PTPRD: variants seen among roughly 807,000 people sequenced by gnomAD.
The protein encoded by PTPRD is receptor-type tyrosine-protein phosphatase delta.
PTPRD carries 34 observed loss-of-function variants against 214.5 expected under a neutral mutation model. The ratio of observed to expected loss-of-function variants is 0.16; its 90% confidence interval spans 0.12 to 0.21. The LOEUF is 0.21. Among genes scored for constraint, PTPRD ranks in the 10% least tolerant of loss-of-function variants. The pLI, the probability that PTPRD is intolerant of heterozygous loss-of-function variation, is 1.00. For synonymous variants in PTPRD, 1,128 were observed against 845.7 expected (o/e 1.33, Z -5.79); for missense variants, 2,545 against 2,398.7 (o/e 1.06, Z -1.27).
chr9:9,774,715 G>A (rs567090002), intron 5 of PTPRD, among the ~76,000 whole-genome samples: 66 of 152,192 alleles, frequency 4.3e-4, no homozygotes, highest in African/African-American at 1.5e-3. Flanking sequence ...AGCCTTGAGG[G>A]AGTTATTTTT....
intron 4 of PTPRD, among the ~76,000 whole-genome samples, chr9:9,942,299 T>G (rs10115688): frequency 1 from 151,770 of 152,208 alleles, 75,673 homozygotes; most frequent in Middle Eastern, 1. Flanking sequence ...TAAAGTTAGG[T>G]GGGCATTATA....
At chr9:9,847,894 T>C (rs1379108286) in intron 5 of PTPRD, among the ~76,000 whole-genome samples, 1 of 152,112 alleles carries the variant, frequency 6.6e-6, no homozygotes, top group African/African-American at 2.4e-5. Context: ...TACATCACAC[T>C]TTTTAAAAAA....
At chr9:9,930,525 G>C (rs1322130970) in intron 5 of PTPRD, among the ~76,000 whole-genome samples, 2 of 152,056 alleles carry the variant, frequency 1.3e-5, no homozygotes, top group African/African-American at 2.4e-5. Flanking sequence ...ACTCAAACTG[G>C]ATAAAGAACT....
intron 3 of PTPRD, among the ~76,000 whole-genome samples, chr9:10,279,708 GAAA>G (rs34503009): frequency 0.027 from 3,491 of 131,146 alleles, 153 homozygotes; most frequent in African/African-American, 0.09. Context: ...GTGCAAAACA[GAAA>G]AAAAAAAAAA....
At chr9:9,144,151 G>C (rs1397704832) in intron 10 of PTPRD, among the ~76,000 whole-genome samples, 2 of 152,148 alleles carry the variant, frequency 1.3e-5, no homozygotes, top group African/African-American at 2.4e-5. Context: ...ATAAAGTGAA[G>C]TATTGGGAAA....
At chr9:9,771,787 T>G (rs57793026) in intron 5 of PTPRD, among the ~76,000 whole-genome samples, 2,121 of 152,264 alleles carry the variant, frequency 0.014, 65 homozygotes, top group African/African-American at 0.047. Context: ...TCAAATAAAA[T>G]TATTATTAAA....
intron 3 of PTPRD, among the ~76,000 whole-genome samples, chr9:10,178,805 C>A (rs2099264693): frequency 6.6e-6 from 1 of 151,854 alleles, no homozygotes; most frequent in East Asian, 1.9e-4. Flanking sequence ...GGAGTACCCC[C>A]AAGTTGGGAC....
chr9:10,409,955 A>C (rs1347398502), intron 2 of PTPRD, among the ~76,000 whole-genome samples: 1 of 151,710 alleles, frequency 6.6e-6, no homozygotes, highest in Non-Finnish European at 1.5e-5. Context: ...AGAAACCCTG[A>C]GCCAGAAGTG....
intron 9 of PTPRD, among the ~76,000 whole-genome samples, chr9:9,334,858 C>T (rs1000292986): frequency 5.3e-5 from 8 of 151,622 alleles, no homozygotes. Flanking sequence ...AATAGTAGTA[C>T]TAGGTAAGAA....
At chr9:8,833,713 TATACACACACACAC>T (rs2097349781) in intron 11 of PTPRD, among the ~76,000 whole-genome samples, 1 of 123,626 alleles carries the variant, frequency 8.1e-6, no homozygotes, top group South Asian at 2.6e-4. Context: ...TATATATATA[TATACACACACACAC>T]ACACACACAC....
chr9:9,654,825 T>A (rs2096466173), intron 7 of PTPRD, among the ~76,000 whole-genome samples: 1 of 152,120 alleles, frequency 6.6e-6, no homozygotes, highest in Non-Finnish European at 1.5e-5. Flanking sequence ...TTTCTCTCTT[T>A]AACTGATACT....
At chr9:9,027,412 G>A (rs2099591039) in intron 10 of PTPRD, among the ~76,000 whole-genome samples, 2 of 151,954 alleles carry the variant, frequency 1.3e-5, no homozygotes, top group South Asian at 4.2e-4. Flanking sequence ...AGTGATAATG[G>A]AAGTTTCTAA....
intron 10 of PTPRD, among the ~76,000 whole-genome samples, chr9:9,021,667 G>T (rs1015159335): frequency 6.6e-6 from 1 of 152,124 alleles, no homozygotes; most frequent in South Asian, 2.1e-4. Flanking sequence ...AGTGGGACAA[G>T]ATGTAGATGT....
intron 3 of PTPRD, among the ~76,000 whole-genome samples, chr9:10,092,384 A>T (rs996195072): frequency 4.0e-5 from 6 of 151,424 alleles, no homozygotes; most frequent in Non-Finnish European, 8.9e-5. Context: ...TCCATTAATT[A>T]TACAGCTGCC....
chr9:9,704,340 T>C (rs559447817), intron 7 of PTPRD, among the ~76,000 whole-genome samples: 1 of 152,250 alleles, frequency 6.6e-6, no homozygotes, highest in East Asian at 1.9e-4. Flanking sequence ...TAATCATAGT[T>C]AGTAAAATTA....
intron 7 of PTPRD, among the ~76,000 whole-genome samples, chr9:9,621,166 T>C (rs1051099604): frequency 3.3e-5 from 5 of 152,218 alleles, no homozygotes; most frequent in African/African-American, 9.6e-5. Flanking sequence ...TTCTCCTAAC[T>C]GTGAATACTT....
chr9:8,443,664 GT>G (rs1284683735), intron 34 of PTPRD, among the ~76,000 whole-genome samples: 1 of 152,126 alleles, frequency 6.6e-6, no homozygotes. Flanking sequence ...TATAGTTTTG[GT>G]TTTGTTTGCA....
intron 2 of PTPRD, among the ~76,000 whole-genome samples, chr9:10,521,287 A>G (rs1267510968): frequency 1.3e-5 from 2 of 152,142 alleles, no homozygotes; most frequent in African/African-American, 2.4e-5. Context: ...GGAAACAGCA[A>G]AAGAACTAGA....
intron 8 of PTPRD, among the ~76,000 whole-genome samples, chr9:9,454,107 C>T (rs1325611969): frequency 6.6e-6 from 1 of 151,490 alleles, no homozygotes; most frequent in Non-Finnish European, 1.5e-5. Context: ...ACAATGTTTA[C>T]TATGTAAAAT....
Sources: gnomAD v4.1 joint callset for allele counts (sites outside exome capture counted in the v4.1 genomes callset) on GRCh38, gnomAD v4.1.1 for gene constraint, MANE v1.5 for transcripts, NCBI Gene and HGNC (gene_info 2026-07-23, HGNC 2026-07-21) for gene names.